The following RPUSD1 variants were observed in gnomAD, a reference collection of about 807,000 sequenced individuals.
RPUSD1 encodes the protein RNA pseudouridine synthase domain containing 1, also known as pseudouridylate synthase RPUSD1.
A neutral mutation model predicts 22.4 loss-of-function variants in RPUSD1; 28 were observed. The ratio of observed to expected loss-of-function variants is 1.25; its 90% CI spans 0.93 to 1.72. The LOEUF is 1.72. Among genes scored for constraint, RPUSD1 ranks in the 40% most tolerant of loss-of-function variants. RPUSD1 has a pLI of 0.00. For missense variants in RPUSD1, 596 were observed against 442.2 expected (o/e 1.35, Z -3.12); for synonymous variants, 298 against 201.0 (o/e 1.48, Z -4.08).
Position 787,581 on chromosome 16 carries a change from C to G in RPUSD1, c.157G>C (p.Asp53His). ...QLRYRFPELA[D>H]PDTCYGFRFC... ...CTGAACCCGTAGCAGGTGTCAGGGT[C>G]GGCCAGCTCGGGAAAGCGGTACCGC... Residue 53 changes from aspartate to histidine, a missense_variant, in exon 2 of 6, where the codon GAC (aspartate) becomes CAC (histidine). Asp to His is a moderately conservative substitution (Grantham distance 81). Transcript: ENST00000007264. The G allele has an allele frequency of 6.2e-7, 1 of 1,611,058 alleles. No individual in the cohort carries two copies. The highest frequency in any genetic ancestry group is 8.5e-7 in the Non-Finnish European group (1 of 1,179,862).
chr16:786,902 T>C lies in RPUSD1; in HGVS notation c.436A>G (p.Thr146Ala), dbSNP rs2041944846. The C allele has an allele frequency of 1.9e-6, 3 of 1,613,216 alleles. No individual in the cohort carries two copies. The highest frequency in any genetic ancestry group is 1.1e-5 in the South Asian group (1 of 91,076). The change falls in exon 5 of 6, where the codon ACA (threonine) becomes GCA (alanine). Residue 146 changes from threonine to alanine, a missense_variant. Transcript: ENST00000007264. ...QGCENPKPSL[T>A]DLVVLEHGLY... is the part of the protein sequence containing the mutation. The stretch of plus-strand genomic sequence containing the variant: ...CCGTGTTCCAGAACCACGAGATCTG[T>C]GAGGCTTGGCTTTGGGTTCTCACAA...
intron 5 of RPUSD1, 155 bp from the exon 6 acceptor site, chr16:786,532 G>A (rs1050772227): frequency 7.6e-6 from 6 of 790,774 alleles, no homozygotes; most frequent in African/African-American, 3.4e-5. Context: ...GAGTGAGGAT[G>A]ACAGTATTTA....
Position 785,193 on chromosome 16 carries a change from G to C in RPUSD1, c.*757C>G, listed in dbSNP as rs901085538. 1.3e-5 allele frequency: 2 copies of C among 152,582 alleles called. No individual in the cohort carries two copies. The highest frequency in any genetic ancestry group is 6.5e-5 in the Admixed American group (1 of 15,294). 9.5% of individuals were successfully genotyped at this position (152,582 alleles called of 1,614,324 possible). On this transcript the variant is annotated 3_prime_UTR_variant, in exon 6 of 6. Coordinates refer to ENST00000007264, the MANE Select transcript of RPUSD1 (RefSeq NM_058192.3). ...AGCAGGGGCCCAAGAGACTGCAGCA[G>C]GTTGGTGCTCACAGTGGATCTGAGG...
At chr16:786,553 T>C (rs763708089) in intron 5 of RPUSD1, 176 bp from the exon 6 acceptor site, 5 of 775,688 alleles carry the variant, frequency 6.4e-6, no homozygotes, top group African/African-American at 1.7e-5. Flanking sequence ...GGACAGAAGA[T>C]TGTGTTCAGG....
Position 786,896 on chromosome 16 carries a change from G to C in RPUSD1, c.442C>G (p.Leu148Val), listed in dbSNP as rs772293349. Residue 148 changes from leucine to valine, a missense_variant, in exon 5 of 6, where the codon CTC becomes GTC. Leu to Val is a conservative substitution (Grantham distance 32). Transcript: ENST00000007264. ...CENPKPSLTD[L>V]VVLEHGLYAG... ...TACAGCCCGTGTTCCAGAACCACGA[G>C]ATCTGTGAGGCTTGGCTTTGGGTTC... is the stretch of plus-strand genomic sequence containing the variant. 1.2e-6 allele frequency: 2 copies of C among 1,613,358 alleles called. No individual in the cohort carries two copies. Among genetic ancestry groups the C allele is most frequent in the Non-Finnish European group, 1.7e-6 (2 of 1,179,970 alleles).
rs1450859737 is a variant in RPUSD1 at position 787,114 on chromosome 16, C to G, written c.372G>C (p.Glu124Asp). Residue 124 changes from glutamate (E) to aspartate (D), a missense_variant, in exon 4 of 6, where the codon GAG becomes GAC. Transcript: ENST00000007264. Reference protein sequence around the residue: ...ISHAIGRNSTEGRAHTMCIEG... With the variant: ...ISHAIGRNSTDGRAHTMCIEG... ...CGATGCACATGGTGTGGGCCCGGCC[C>G]TCCGTGCTGTTCCTGCCAATGGCAT... 1.2e-6 allele frequency: 2 copies of G among 1,607,840 alleles called. No homozygotes were observed. Among genetic ancestry groups the G allele is most frequent in the Non-Finnish European group, 1.7e-6 (2 of 1,179,062 alleles).
At chr16:786,647 G>A in intron 5 of RPUSD1, 180 bp downstream of exon 5, 3 of 739,850 alleles carry the variant, frequency 4.1e-6, no homozygotes, top group Non-Finnish European at 7.2e-6. Context: ...TCAGTCAGGA[G>A]CCAGCAGGGA....
At chr16:786,468 C>CGCTGCAGTCTTGAAGCA (rs1042932387) in intron 5 of RPUSD1, 91 bp from the exon 6 acceptor site, 9 of 1,332,412 alleles carry the variant, frequency 6.8e-6, no homozygotes, top group Non-Finnish European at 9.3e-6. Flanking sequence ...GTCATGACCC[C>CGCTGCAGTCTTGAAGCA]GCTGCAGTCT....
At chr16:788,023 C>T (rs1158536488) in intron 1 of RPUSD1, 1 of 552,296 alleles carries the variant, frequency 1.8e-6, no homozygotes, top group Non-Finnish European at 3.3e-6. Flanking sequence ...CAGATCCTCC[C>T]CACAGACCCT....
chr16:787,172 C>A lies in RPUSD1; in HGVS notation c.314G>T (p.Gly105Val), dbSNP rs1346843636. 1 of 1,603,890 alleles carries A rather than the reference C, an allele frequency of 6.2e-7. No individual in the cohort carries two copies. Among genetic ancestry groups the A allele is most frequent in the East Asian group, 2.2e-5 (1 of 44,618 alleles). ...GGTTACCCGGCTCTCCTGGATGTGC[C>A]CCCGCAGCTGCAGGAGAGGGAGAAT... ...VTKAYLALLR[G>V]HIQESRVTIS... is the part of the protein sequence containing the mutation. The change falls in exon 4 of 6, where the codon GGG (glycine) becomes GTG (valine). Residue 105 changes from glycine to valine, a missense_variant. By Grantham distance (109) the Gly-to-Val change is moderately radical. Coordinates refer to ENST00000007264, the MANE Select transcript of RPUSD1 (RefSeq NM_058192.3).
intron 1 of RPUSD1, 160 bp from the exon 2 acceptor site, chr16:787,904 G>A (rs1397576348): frequency 1.3e-5 from 9 of 678,024 alleles, no homozygotes; most frequent in Non-Finnish European, 2.2e-5. Flanking sequence ...CCCGAGATCA[G>A]TCCCCAGGGC....
At chr16:786,970 C>G in intron 4 of RPUSD1, 42 bp from the exon 5 acceptor site, 1 of 1,595,324 alleles carries the variant, frequency 6.3e-7, no homozygotes, top group Middle Eastern at 1.7e-4. Context: ...GGGACTGACC[C>G]GGGGCCCAGG....
rs373931450 is a variant in RPUSD1 at position 787,597 on chromosome 16, G to A, written c.141C>T (p.Arg47=). 2.2e-5 allele frequency: 36 copies of A among 1,611,326 alleles called. No individual in the cohort carries two copies. The highest frequency in any genetic ancestry group is 1.3e-4 in the East Asian group (6 of 44,898). The change falls in exon 2 of 6, where the codon CGC becomes CGT. Residue 47 remains arginine (R), a synonymous_variant. Transcript: ENST00000007264. Reference sequence around the variant, plus strand: ...TGTCAGGGTCGGCCAGCTCGGGAAAGCGGTACCGCAGCTGCTTCTGCAGGG... The same window carrying A: ...TGTCAGGGTCGGCCAGCTCGGGAAAACGGTACCGCAGCTGCTTCTGCAGGG... The part of the protein sequence containing the change: ...TLTLQKQLRY[R]FPELADPDTC...
Position 786,038 on chromosome 16 carries a change from G to A in RPUSD1, c.851C>T (p.Pro284Leu), listed in dbSNP as rs1274099254. ...AGTCTCAGGGGGCTTGGTTGGGGGT[G>A]GAGGAGGCCGGCCGGGCCCAGGCAG... Reference protein sequence around the residue: ...ALLPGPGRPPPPPTKPPETEA... With the variant: ...ALLPGPGRPPLPPTKPPETEA... The change falls in exon 6 of 6, where the codon CCA becomes CTA. Residue 284 changes from proline (P) to leucine (L), a missense_variant. Physicochemically the swap from Pro to Leu is moderately conservative, Grantham distance 98. Coordinates refer to ENST00000007264, the MANE Select transcript of RPUSD1 (RefSeq NM_058192.3). 4.0e-6 allele frequency: 6 copies of A among 1,510,828 alleles called. No homozygotes were observed. Among genetic ancestry groups the A allele is most frequent in the Non-Finnish European group, 5.3e-6 (6 of 1,132,090 alleles). 93.6% of individuals were successfully genotyped at this position (1,510,828 alleles called of 1,614,324 possible). A position where few individuals can be genotyped will look rare whatever the true frequency, so the allele number is the denominator to read the frequency against.
rs771085838 is a variant in RPUSD1 at position 788,260 on chromosome 16, T to C, written c.-12A>G. Reference sequence around the variant, plus strand: ...CACGCCCACGCCAAGACCAACCTGCTGCCGGGCCGTGCAGTCCAGGCCCCC... The same window carrying C: ...CACGCCCACGCCAAGACCAACCTGCCGCCGGGCCGTGCAGTCCAGGCCCCC... On this transcript the variant is annotated 5_prime_UTR_variant, in exon 1 of 6. Coordinates refer to ENST00000007264, the MANE Select transcript of RPUSD1 (RefSeq NM_058192.3). The C allele has an allele frequency of 1.9e-5, 7 of 370,042 alleles. No homozygotes were observed. The highest frequency in any genetic ancestry group is 9.5e-5 in the South Asian group (5 of 52,870). The allele number at this position is 370,042 out of a possible 1,614,324, so 22.9% of individuals were successfully genotyped here. A position where few individuals can be genotyped will look rare whatever the true frequency, so the allele number is the denominator to read the frequency against.
intron 3 of RPUSD1, 22 bp from the exon 4 acceptor site, chr16:787,201 A>T: frequency 5.0e-6 from 8 of 1,585,476 alleles, no homozygotes; most frequent in Non-Finnish European, 6.8e-6. Flanking sequence ...GGAGAATCGC[A>T]CGCAGTTCAC....
In RPUSD1 at chr16:785,717, G is replaced by A. The variant is rs997288103; in HGVS notation, c.*233C>T. 1.5e-5 allele frequency: 6 copies of A among 406,926 alleles called. No individual in the cohort carries two copies. The Admixed American group carries it at 2.5e-4, about 17-fold the overall frequency. The allele number at this position is 406,926 out of a possible 1,614,324, so 25.2% of individuals were successfully genotyped here. A position where few individuals can be genotyped will look rare whatever the true frequency, so the allele number is the denominator to read the frequency against. ...GGCATGTGGGCAGGAAGGCCCTCGG[G>A]ATCCCGCATCAGTCCCACGGCCGCG... is the stretch of plus-strand genomic sequence containing the variant. On this transcript the variant is annotated 3_prime_UTR_variant, in exon 6 of 6. Transcript: ENST00000007264.
rs772953421 is a variant in RPUSD1 at position 786,193 on chromosome 16, G to T, written c.696C>A (p.Pro232=). 1 of 1,612,714 alleles carries T rather than the reference G, an allele frequency of 6.2e-7. No homozygotes were observed. The highest frequency in any genetic ancestry group is 1.1e-5 in the South Asian group (1 of 91,092). The change falls in exon 6 of 6, where the codon CCC becomes CCA. Residue 232 remains proline (P), a synonymous_variant. Transcript: ENST00000007264. The part of the protein sequence containing the change: ...VEVCTPDPFL[P]SLDACWSPHT... ...GGGGGCTCCAGCAGGCATCCAGGGA[G>T]GGCAGGAAGGGGTCAGGCGTGCAGA...
chr16:787,248 C>G, intron 3 of RPUSD1, 69 bp from the exon 4 acceptor site: 12 of 1,552,828 alleles, frequency 7.7e-6, no homozygotes, highest in Non-Finnish European at 1.0e-5. Context: ...CCACCTAACA[C>G]CAAGCAACCA....
Sources: gnomAD v4.1 joint callset for allele counts on GRCh38, gnomAD v4.1.1 for gene constraint, MANE v1.5 for transcripts, NCBI Gene and HGNC (gene_info 2026-07-23, HGNC 2026-07-21) for gene names.